Variants in CADM2 observed in about 807,000 individuals in gnomAD.
The protein encoded by CADM2 is cell adhesion molecule 2.
CADM2 carries 12 observed loss-of-function variants against 49.8 expected under a neutral mutation model. The observed-to-expected ratio is 0.24, with a 90% CI of 0.15 to 0.39. The LOEUF (loss-of-function observed/expected upper bound fraction) is 0.39, where lower values mean the gene tolerates loss of function less well. Among genes scored for constraint, CADM2 ranks in the 10% least tolerant of loss-of-function variants. The pLI, the probability that CADM2 is intolerant of heterozygous loss-of-function variation, is 1.00. For synonymous variants in CADM2, 214 were observed against 175.4 expected (o/e 1.22, Z -1.74); for missense variants, 378 against 492.3 (o/e 0.77, Z 2.20).
At chr3:85,816,269 C>A (rs1002830289) in intron 3 of CADM2, among the ~76,000 whole-genome samples, 1 of 151,396 alleles carries the variant, frequency 6.6e-6, no homozygotes, top group African/African-American at 2.4e-5. Context: ...CTCTAGAGCA[C>A]CAACCTAAAG....
chr3:85,830,168 G>A (rs1267636465), intron 3 of CADM2, among the ~76,000 whole-genome samples: 1 of 151,724 alleles, frequency 6.6e-6, no homozygotes, highest in East Asian at 1.9e-4. Context: ...TTCTTCACAC[G>A]CTCGCCAACA....
chr3:85,911,636 T>A (rs1470968019), intron 5 of CADM2, among the ~76,000 whole-genome samples: 3 of 152,238 alleles, frequency 2.0e-5, no homozygotes, highest in Non-Finnish European at 2.9e-5. Context: ...GTTAAAGTTG[T>A]ATTTCAAATG....
chr3:85,168,670 A>G (rs1376937), intron 1 of CADM2, among the ~76,000 whole-genome samples: 10,784 of 152,098 alleles, frequency 0.071, 1,279 homozygotes, highest in African/African-American at 0.24. Context: ...TGATACTTTC[A>G]CCCAAGCCAA....
chr3:85,026,495 C>T (rs2034734145), intron 1 of CADM2, among the ~76,000 whole-genome samples: 1 of 152,070 alleles, frequency 6.6e-6, no homozygotes, highest in Admixed American at 6.5e-5. Context: ...AACTTGATAG[C>T]TTATGAAACA....
intron 3 of CADM2, among the ~76,000 whole-genome samples, chr3:85,874,263 A>G (rs1429374279): frequency 6.6e-6 from 1 of 151,760 alleles, no homozygotes; most frequent in Non-Finnish European, 1.5e-5. Flanking sequence ...ATTGTACACA[A>G]TGTAGTCTGG....
chr3:85,627,682 A>G (rs1414525836), intron 1 of CADM2, among the ~76,000 whole-genome samples: 1 of 152,056 alleles, frequency 6.6e-6, no homozygotes, highest in Admixed American at 6.6e-5. Flanking sequence ...AATTTGATGC[A>G]CAAGAAAGAG....
intron 1 of CADM2, among the ~76,000 whole-genome samples, chr3:85,466,775 T>A (rs2107600479): frequency 6.6e-6 from 1 of 152,318 alleles, no homozygotes; most frequent in African/African-American, 2.4e-5. Context: ...CTGTATTTTT[T>A]TTTCAACAGT....
chr3:85,692,592 G>A (rs995849609), intron 1 of CADM2, among the ~76,000 whole-genome samples: 4 of 151,902 alleles, frequency 2.6e-5, no homozygotes, highest in African/African-American at 7.3e-5. Context: ...TTAATAATTC[G>A]TTTACCTTAC....
At chr3:85,447,051 A>G (rs1576572053) in intron 1 of CADM2, among the ~76,000 whole-genome samples, 2 of 144,514 alleles carry the variant, frequency 1.4e-5, no homozygotes, top group South Asian at 4.4e-4. Context: ...ATATTGAAAT[A>G]TATATTTCAC....
At chr3:85,983,556 G>A (rs1252854011) in intron 8 of CADM2, among the ~76,000 whole-genome samples, 1 of 151,572 alleles carries the variant, frequency 6.6e-6, no homozygotes, top group Non-Finnish European at 1.5e-5. Flanking sequence ...ATAAATGACA[G>A]AATTATTTTT....
intron 8 of CADM2, among the ~76,000 whole-genome samples, chr3:86,054,819 A>G (rs1373312119): frequency 6.6e-6 from 1 of 151,976 alleles, no homozygotes; most frequent in African/African-American, 2.4e-5. Context: ...ACATACCTTA[A>G]TTTATCTTTT....
At chr3:86,027,648 G>A (rs1472352940) in intron 8 of CADM2, among the ~76,000 whole-genome samples, 2 of 152,064 alleles carry the variant, frequency 1.3e-5, no homozygotes, top group Admixed American at 6.6e-5. Context: ...TGGGAATACT[G>A]GAGGATAAGA....
chr3:85,141,640 C>A (rs948254581), intron 1 of CADM2, among the ~76,000 whole-genome samples: 1 of 152,050 alleles, frequency 6.6e-6, no homozygotes, highest in Non-Finnish European at 1.5e-5. Flanking sequence ...TAACAGAGAT[C>A]CAATCCTTTT....
intron 1 of CADM2, among the ~76,000 whole-genome samples, chr3:85,701,497 C>G (rs2066753086): frequency 6.6e-6 from 1 of 151,558 alleles, no homozygotes; most frequent in Admixed American, 6.6e-5. Flanking sequence ...TTTTCCGGCT[C>G]CTTGCTCTCA....
At chr3:85,280,389 C>T (rs951683644) in intron 1 of CADM2, among the ~76,000 whole-genome samples, 6 of 151,414 alleles carry the variant, frequency 4.0e-5, no homozygotes, top group Non-Finnish European at 8.9e-5. Context: ...TCTCCTTTGA[C>T]CTGCAAAATT....
At chr3:85,835,897 C>T (rs906857815) in intron 3 of CADM2, among the ~76,000 whole-genome samples, 55 of 149,646 alleles carry the variant, frequency 3.7e-4, no homozygotes, top group African/African-American at 1.3e-3. Context: ...ATGTTACTCC[C>T]TTTATTTCTA....
At chr3:85,987,494 T>C (rs533092126) in intron 8 of CADM2, among the ~76,000 whole-genome samples, 378 of 150,780 alleles carry the variant, frequency 2.5e-3, no homozygotes, top group African/African-American at 8.8e-3. Context: ...ACAGTATATA[T>C]GTTTTCTGAA....
intron 1 of CADM2, among the ~76,000 whole-genome samples, chr3:85,392,718 T>C (rs923677819): frequency 6.6e-6 from 1 of 152,078 alleles, no homozygotes; most frequent in African/African-American, 2.4e-5. Flanking sequence ...TATAAACTCT[T>C]TATGGACAGC....
At chr3:85,520,276 A>G (rs1361217092) in intron 1 of CADM2, among the ~76,000 whole-genome samples, 2 of 151,868 alleles carry the variant, frequency 1.3e-5, no homozygotes, top group Non-Finnish European at 2.9e-5. Flanking sequence ...ATTATTATAT[A>G]TTGTTTATTG....
Sources: allele counts gnomAD v4.1 joint callset (sites outside exome capture counted in the v4.1 genomes callset), GRCh38; gene constraint gnomAD v4.1.1; transcripts MANE v1.5; gene names NCBI Gene and HGNC (gene_info 2026-07-23, HGNC 2026-07-21).